The following LARP4B variants were observed in gnomAD, a reference collection of about 807,000 sequenced individuals.
LARP4B encodes the protein la-related protein 4B.
LARP4B carries 12 observed loss-of-function variants against 89.8 expected under a neutral mutation model. The ratio of observed to expected loss-of-function variants is 0.13; its 90% CI spans 0.09 to 0.22. LARP4B has a LOEUF of 0.22. Ranked by LOEUF, LARP4B falls within the 10% of genes least tolerant of loss-of-function variation. The pLI is 1.00. For synonymous variants in LARP4B, 367 were observed against 363.3 expected (o/e 1.01, Z -0.12); for missense variants, 757 against 947.7 (o/e 0.80, Z 2.64).
rs529963345 is a variant in LARP4B at position 900,420 on chromosome 10, CTTTTTTTTTTTTTTTTT to C, written c.-39-14677_-39-14661del. On this transcript the variant is annotated intron_variant, in intron 1 of 17. Coordinates refer to ENST00000316157, the MANE Select transcript of LARP4B (RefSeq NM_015155.3). ...ATTCTAGGATCGGAAAGAAGGATGT[CTTTTTTTTTTTTTTTTT>C]TTTTTTTTTTTTTTTTGAGGTAGGG... 2.2e-4 allele frequency among the ~76,000 whole-genome samples: 10 copies of C among 45,244 alleles called. No individual in the cohort carries two copies. The East Asian group carries it at 3.1e-3, about 14-fold the overall frequency. The allele number at this position is 45,244 out of a possible 152,430, so 29.7% of individuals were successfully genotyped here.
At chr10:841,112 C>A (rs574993443) in intron 7 of LARP4B, among the ~76,000 whole-genome samples, 1 of 152,260 alleles carries the variant, frequency 6.6e-6, no homozygotes, top group South Asian at 2.1e-4. Flanking sequence ...GAGATGACAC[C>A]ACTGCACTCC....
chr10:925,844 A>T (rs1023419476), intron 1 of LARP4B, among the ~76,000 whole-genome samples: 1 of 152,240 alleles, frequency 6.6e-6, no homozygotes. Flanking sequence ...GAAAGAGGGC[A>T]CGTTTTTAAA....
At chr10:895,072 G>A (rs927949049) in intron 1 of LARP4B, among the ~76,000 whole-genome samples, 2 of 152,170 alleles carry the variant, frequency 1.3e-5, no homozygotes, top group Non-Finnish European at 2.9e-5. Context: ...TGTAGTCCCA[G>A]CTACTCGAGA....
the LARP4B span, among the ~76,000 whole-genome samples, chr10:960,635 G>A: frequency 7.2e-6 from 1 of 139,484 alleles, no homozygotes; most frequent in Non-Finnish European, 1.5e-5. Context: ...TTGAACCTGG[G>A]AGGTGGAGGT....
intron 1 of LARP4B, among the ~76,000 whole-genome samples, chr10:900,042 A>G (rs1213430908): frequency 1.3e-5 from 2 of 152,142 alleles, no homozygotes; most frequent in Non-Finnish European, 2.9e-5. Flanking sequence ...AAGCTAAATC[A>G]AATCATCAGA....
At chr10:842,901 G>C in intron 7 of LARP4B, 31 bp downstream of exon 7, 1 of 1,599,146 alleles carries the variant, frequency 6.3e-7, no homozygotes, top group Non-Finnish European at 8.6e-7. Flanking sequence ...CTAAGGACAA[G>C]TATTATTAAT....
At chr10:975,156 C>G in the LARP4B span, among the ~76,000 whole-genome samples, 1 of 152,228 alleles carries the variant, frequency 6.6e-6, no homozygotes, top group Non-Finnish European at 1.5e-5. Context: ...ATACAAGTTA[C>G]TTTCATGATT....
At chr10:841,932 T>C (rs2131725862) in intron 7 of LARP4B, among the ~76,000 whole-genome samples, 1 of 152,230 alleles carries the variant, frequency 6.6e-6, no homozygotes, top group South Asian at 2.1e-4. Flanking sequence ...AGTTCTCATG[T>C]AAGATGCTCA....
At chr10:829,875 C>T (rs891896708) in intron 9 of LARP4B, 141 bp from the exon 10 acceptor site, 2 of 642,248 alleles carry the variant, frequency 3.1e-6, no homozygotes. Flanking sequence ...TCTTGACACT[C>T]CCTGGGTCAC....
At chr10:982,489 A>T in the LARP4B span, among the ~76,000 whole-genome samples, 2 of 152,256 alleles carry the variant, frequency 1.3e-5, no homozygotes, top group African/African-American at 4.8e-5. Flanking sequence ...AAAAAGAGCA[A>T]ATTGTGATGA....
intron 7 of LARP4B, among the ~76,000 whole-genome samples, chr10:837,388 C>T (rs775210137): frequency 1.3e-5 from 2 of 152,142 alleles, no homozygotes; most frequent in African/African-American, 4.8e-5. Flanking sequence ...TGGTAGAATG[C>T]GTGAATTCTT....
intron 5 of LARP4B, among the ~76,000 whole-genome samples, chr10:856,608 G>A (rs1406222315): frequency 6.6e-6 from 1 of 152,146 alleles, no homozygotes; most frequent in Non-Finnish European, 1.5e-5. Flanking sequence ...GCTCAGGGTG[G>A]CCAAGTCTGA....
At chr10:974,629 C>T in the LARP4B span, among the ~76,000 whole-genome samples, 1 of 152,184 alleles carries the variant, frequency 6.6e-6, no homozygotes, top group Non-Finnish European at 1.5e-5. Flanking sequence ...ACCTGGGCTG[C>T]TTGTCTCAGA....
the LARP4B span, among the ~76,000 whole-genome samples, chr10:955,148 G>C: frequency 2.0e-5 from 3 of 152,092 alleles, no homozygotes; most frequent in Non-Finnish European, 4.4e-5. The surrounding 1 kb of genome is among the most constrained non-coding windows in gnomAD (Gnocchi z 5.2). Context: ...CCACACTCTC[G>C]GGCAGCTCTG....
Position 879,994 on chromosome 10 carries a change from G to A in LARP4B, c.141+4453C>T, listed in dbSNP as rs905618448. ...TCATCATATTGGTCAGGCTGGTCTCGAACTCCTGACCTCAGGTGATCCGCC... is the reference window on the plus strand; with the variant it reads ...TCATCATATTGGTCAGGCTGGTCTCAAACTCCTGACCTCAGGTGATCCGCC... On this transcript the variant is annotated intron_variant, in intron 3 of 17. Transcript: ENST00000316157. 3.3e-5 allele frequency among the ~76,000 whole-genome samples: 5 copies of A among 149,856 alleles called. No homozygotes were observed. In the East Asian group the frequency reaches 6.0e-4, roughly 18 times the overall value.
the LARP4B span, among the ~76,000 whole-genome samples, chr10:950,094 C>T: frequency 2.6e-5 from 4 of 151,866 alleles, no homozygotes; most frequent in Non-Finnish European, 4.4e-5. Flanking sequence ...TTTTTTTAAC[C>T]GTTGAGTTTT....
chr10:823,352 T>G (rs184425481), intron 13 of LARP4B, among the ~76,000 whole-genome samples: 1 of 152,336 alleles, frequency 6.6e-6, no homozygotes, highest in East Asian at 1.9e-4. Context: ...TGGTGCAAGA[T>G]CTGCATCTGT....
At position 811,412 on chromosome 10, in the gene LARP4B, C is replaced by A. The variant is rs1245316753; in HGVS notation, c.*1514G>T. The A allele has an allele frequency of 6.6e-6, 1 of 152,546 alleles. No homozygotes were observed. Among genetic ancestry groups the A allele is most frequent in the Admixed American group, 6.5e-5 (1 of 15,278 alleles). The allele number at this position is 152,546 out of a possible 1,614,324, so 9.4% of individuals were successfully genotyped here. ...TATTTGCATTTACAGGATTTTCCAACATTCTGAAAAAAGATCAACTGTTGA... is the reference window on the plus strand; with the variant it reads ...TATTTGCATTTACAGGATTTTCCAAAATTCTGAAAAAAGATCAACTGTTGA... On this transcript the variant is annotated 3_prime_UTR_variant, in exon 18 of 18. Coordinates refer to ENST00000316157, the MANE Select transcript of LARP4B (RefSeq NM_015155.3).
intron 9 of LARP4B, among the ~76,000 whole-genome samples, chr10:830,005 T>A (rs1357613447): frequency 2.0e-5 from 3 of 152,204 alleles, no homozygotes; most frequent in African/African-American, 7.2e-5. Context: ...CAAAGACCAC[T>A]GGCTAAGAAC....
Sources: allele counts gnomAD v4.1 joint callset (sites outside exome capture counted in the v4.1 genomes callset), GRCh38; gene constraint gnomAD v4.1.1; non-coding constraint Gnocchi (gnomAD v3.1); transcripts MANE v1.5; gene names NCBI Gene and HGNC (gene_info 2026-07-23, HGNC 2026-07-21).